The following CCDC88C variants were observed in gnomAD, a reference collection of about 807,000 sequenced individuals.
CCDC88C encodes protein Daple.
CCDC88C carries 131 observed loss-of-function variants against 198.8 expected under a neutral mutation model. The ratio of observed to expected loss-of-function variants is 0.66; its 90% CI spans 0.57 to 0.76. The LOEUF (loss-of-function observed/expected upper bound fraction) is 0.76. Among genes scored for constraint, CCDC88C ranks in the 30% least tolerant of loss-of-function variants. CCDC88C has a pLI of 0.00. For synonymous variants in CCDC88C, 1,166 were observed against 1,114.7 expected (o/e 1.05, Z -0.92); for missense variants, 2,553 against 2,631.6 (o/e 0.97, Z 0.65).
chr14:91,304,159 C>T (rs956886887), intron 19 of CCDC88C, among the ~76,000 whole-genome samples, 181 bp from the exon 20 acceptor site: 5 of 152,200 alleles, frequency 3.3e-5, no homozygotes, highest in Non-Finnish European at 5.9e-5. Context: ...GGGACTAAAC[C>T]GCATAGACGG....
intron 3 of CCDC88C, among the ~76,000 whole-genome samples, chr14:91,406,439 C>T (rs1236254207): frequency 6.6e-6 from 1 of 152,228 alleles, no homozygotes; most frequent in Non-Finnish European, 1.5e-5. Flanking sequence ...CTGCCCAGTG[C>T]TATACCACTG....
rs747862862 is a variant in CCDC88C, at chr14:91,338,646, C to G, written c.810-76G>C. On this transcript the variant is annotated intron_variant, in intron 8 of 29. Coordinates refer to ENST00000389857, the MANE Select transcript of CCDC88C (RefSeq NM_001080414.4). This position sits in a 1 kb window ranked among gnomAD's most constrained non-coding sequence, Gnocchi z 4.8. ...CAGCCCTGGGAGCAGGCTGCCACTTCCTAAAACCTGTGGGAAAAGGAAAGG... is the reference window on the plus strand; with the variant it reads ...CAGCCCTGGGAGCAGGCTGCCACTTGCTAAAACCTGTGGGAAAAGGAAAGG... The G allele has an allele frequency of 8.7e-5, 97 of 1,113,492 alleles. No homozygotes were observed. The highest frequency in any genetic ancestry group is 1.2e-4 in the Non-Finnish European group (90 of 751,232). 69.0% of individuals were successfully genotyped at this position (1,113,492 alleles called of 1,614,324 possible).
intron 10 of CCDC88C, among the ~76,000 whole-genome samples, chr14:91,332,260 CT>C (rs1892867584): frequency 6.6e-6 from 1 of 152,182 alleles, no homozygotes; most frequent in South Asian, 2.1e-4. Flanking sequence ...CCACACAGCC[CT>C]GAGGGCAACC....
At chr14:91,400,746 C>T (rs1319412528) in intron 3 of CCDC88C, among the ~76,000 whole-genome samples, 1 of 152,210 alleles carries the variant, frequency 6.6e-6, no homozygotes, top group Non-Finnish European at 1.5e-5. Context: ...TTAACCAACA[C>T]AATCACAAAG....
chr14:91,318,939 G>C (rs866421264), intron 13 of CCDC88C, among the ~76,000 whole-genome samples: 2 of 82,342 alleles, frequency 2.4e-5, no homozygotes, highest in East Asian at 5.7e-4. Flanking sequence ...AAAAAAAAAA[G>C]AACCTGCAGA....
At chr14:91,355,440 C>T (rs1028449364) in intron 4 of CCDC88C, among the ~76,000 whole-genome samples, 76 of 152,238 alleles carry the variant, frequency 5.0e-4, no homozygotes, top group African/African-American at 1.6e-3. Flanking sequence ...GAGCCCAGGC[C>T]GTGCTCGGAG....
chr14:91,403,252 G>A (rs1043948713), intron 3 of CCDC88C, among the ~76,000 whole-genome samples: 9 of 152,184 alleles, frequency 5.9e-5, no homozygotes, highest in East Asian at 1.9e-4. Flanking sequence ...CAAGGGTCCC[G>A]ATCTCACTGG....
chr14:91,400,187 G>C (rs1886090977), intron 3 of CCDC88C, among the ~76,000 whole-genome samples: 1 of 152,200 alleles, frequency 6.6e-6, no homozygotes, highest in South Asian at 2.1e-4. Context: ...GGCATGGAGA[G>C]GACAAGAAAG....
chr14:91,380,906 G>A (rs758951459), intron 3 of CCDC88C, among the ~76,000 whole-genome samples: 4 of 152,178 alleles, frequency 2.6e-5, no homozygotes, highest in Non-Finnish European at 5.9e-5. Flanking sequence ...CACCAGCCAA[G>A]GAGAATGGGA....
At chr14:91,364,117 T>C (rs1398731701) in intron 3 of CCDC88C, among the ~76,000 whole-genome samples, 2 of 152,226 alleles carry the variant, frequency 1.3e-5, no homozygotes, top group African/African-American at 4.8e-5. Flanking sequence ...CAAGGCAAGC[T>C]TGAGGGACAA....
At position 91,324,855 on chromosome 14, in the gene CCDC88C, C is replaced by G; in HGVS notation, c.1266G>C (p.Gln422His). 6.2e-7 allele frequency: 1 copy of G among 1,613,834 alleles called. No homozygotes were observed. Residue 422 changes from glutamine (Q) to histidine (H), a missense_variant, in exon 12 of 30, where the codon CAG becomes CAC. This residue lies in a region of CCDC88C where 1,260 missense variants were observed against 1,412.0 expected (regional missense o/e 0.89). Coordinates refer to ENST00000389857, the MANE Select transcript of CCDC88C (RefSeq NM_001080414.4). Reference protein sequence around the residue: ...LEENMVLEIAQKQSMNESAHL... With the variant: ...LEENMVLEIAHKQSMNESAHL... ...GGGCAGATTCGTTCATGCTCTGCTT[C>G]TGTGCAATCTCAAGGACCATGTTTT...
intron 16 of CCDC88C, 85 bp from the exon 17 acceptor site, chr14:91,308,577 C>T: frequency 7.3e-7 from 1 of 1,365,664 alleles, no homozygotes; most frequent in Non-Finnish European, 1.0e-6. Flanking sequence ...CACATCACTC[C>T]TTCCATTAGG....
chr14:91,332,615 C>T (rs971675944), intron 10 of CCDC88C, among the ~76,000 whole-genome samples: 8 of 152,214 alleles, frequency 5.3e-5, no homozygotes, highest in Non-Finnish European at 1.0e-4. Context: ...CCTGTCTGGG[C>T]GGACCTGGCC....
At chr14:91,404,583 C>G (rs1330232505) in intron 3 of CCDC88C, among the ~76,000 whole-genome samples, 3 of 152,190 alleles carry the variant, frequency 2.0e-5, no homozygotes, top group African/African-American at 7.2e-5. Context: ...ATCTGGGGAC[C>G]ATCCTTTGAA....
At chr14:91,291,394 C>G (rs1596028574) in intron 23 of CCDC88C, among the ~76,000 whole-genome samples, 2 of 152,202 alleles carry the variant, frequency 1.3e-5, no homozygotes, top group East Asian at 3.9e-4. Flanking sequence ...ATTCTCCTTC[C>G]AGGTTGTTCA....
In CCDC88C at chr14:91,289,154, G is replaced by A; in HGVS notation, c.4392C>T (p.Gly1464=). The change falls in exon 25 of 30, where the codon GGC becomes GGT. Residue 1464 remains glycine (G), a synonymous_variant. Coordinates refer to ENST00000389857, the MANE Select transcript of CCDC88C (RefSeq NM_001080414.4). The stretch of plus-strand genomic sequence containing the variant: ...CGTCGCGCTCTTCTGCACAGTTGGA[G>A]CCCAGTGCGGGGGTGTCGGGGTTCT... The part of the protein sequence containing the change: ...QAENPDTPAL[G]SNCAEERDAH... 2 of 1,613,682 alleles carry A rather than the reference G, an allele frequency of 1.2e-6. No homozygotes were observed. Among genetic ancestry groups the A allele is most frequent in the Non-Finnish European group, 8.5e-7 (1 of 1,179,862 alleles).
intron 3 of CCDC88C, among the ~76,000 whole-genome samples, chr14:91,399,242 A>T (rs1886028757): frequency 6.6e-6 from 1 of 152,074 alleles, no homozygotes; most frequent in South Asian, 2.1e-4. Flanking sequence ...CACCTGACCG[A>T]CACCAGTGAC....
chr14:91,407,813 G>A (rs1398129806), intron 3 of CCDC88C, among the ~76,000 whole-genome samples: 3 of 151,838 alleles, frequency 2.0e-5, no homozygotes, highest in East Asian at 1.9e-4. Context: ...AGATGGAGTC[G>A]TGCTCTGTCA....
In CCDC88C at chr14:91,288,170, T is replaced by A. The variant is rs1221869590; in HGVS notation, c.4441+935A>T. 3.9e-5 allele frequency among the ~76,000 whole-genome samples: 6 copies of A among 152,260 alleles called. No individual in the cohort carries two copies. Among genetic ancestry groups the A allele is most frequent in the Non-Finnish European group, 8.8e-5 (6 of 68,042 alleles). On this transcript the variant is annotated intron_variant, in intron 25 of 29. Transcript: ENST00000389857. The surrounding 1 kb of genome is among the most constrained non-coding windows in gnomAD (Gnocchi z 4.2). ...TTCGAAGTGGTGGCCCTGTACCGTT[T>A]GATTGCCTCGTGGTATATAAAGTAA...
Sources: gnomAD v4.1 joint callset for allele counts (sites outside exome capture counted in the v4.1 genomes callset) on GRCh38, gnomAD v4.1.1 for gene constraint, gnomAD v4.1.1 regional missense constraint, Gnocchi (gnomAD v3.1) non-coding constraint, MANE v1.5 for transcripts, NCBI Gene and HGNC (gene_info 2026-07-23, HGNC 2026-07-21) for gene names.